ARVCF: variants seen among roughly 807,000 people sequenced by gnomAD.
The protein encoded by ARVCF is ARVCF delta catenin family member, also known as splicing regulator ARVCF.
A neutral mutation model predicts 90.9 loss-of-function variants in ARVCF; 66 were observed. That is an observed-to-expected ratio of 0.73 (90% CI 0.60 to 0.89). The LOEUF (loss-of-function observed/expected upper bound fraction) is 0.89, where lower values mean the gene tolerates loss of function less well. ARVCF is among the 40% of genes least tolerant of loss of function. The pLI is 0.00. For synonymous variants in ARVCF, 653 were observed against 603.4 expected (o/e 1.08, Z -1.21); for missense variants, 1,469 against 1,382.3 (o/e 1.06, Z -1.00).
intron 3 of ARVCF, among the ~76,000 whole-genome samples, chr22:19,982,999 A>C (rs181016276): frequency 9.2e-4 from 140 of 152,336 alleles, no homozygotes; most frequent in African/African-American, 3.1e-3. Context: ...CTCAAAGAGG[A>C]TAGGCTGGCC....
At position 19,977,247 on chromosome 22, in the gene ARVCF, G is replaced by A. The variant is rs150106922; in HGVS notation, c.1870+168C>T. Among the ~76,000 whole-genome samples, 1,240 of 152,308 alleles carry A rather than the reference G, an allele frequency of 8.1e-3. 10 individuals carry two copies. Among genetic ancestry groups the A allele is most frequent in the Non-Finnish European group, 0.013 (905 of 68,000 alleles). Reference sequence around the variant, plus strand: ...TGGACCTGGGTCCCATCAACCATGTGACCCAGGGCAGTCCAGCCTCCTTGA... The same window carrying A: ...TGGACCTGGGTCCCATCAACCATGTAACCCAGGGCAGTCCAGCCTCCTTGA... On this transcript the variant is annotated intron_variant, in intron 9 of 19. Transcript: ENST00000263207.
chr22:19,968,739 GC>G (rs397758621), downstream of ARVCF: 5 of 1,595,146 alleles, frequency 3.1e-6, no homozygotes, highest in South Asian at 3.3e-5. Flanking sequence ...GGCCCTGACT[GC>G]CCCCCCGGCC....
Position 19,990,807 on chromosome 22 carries a change from C to A in ARVCF, c.-13G>T. The A allele has an allele frequency of 6.5e-7, 1 of 1,547,660 alleles. No individual in the cohort carries two copies. Among genetic ancestry groups the A allele is most frequent in the East Asian group, 2.4e-5 (1 of 41,054 alleles). ...TGCAGTCCTCCATGACCAGAGCGCC[C>A]GCCAGCTGCAGGCAAAGCAGAGTAA... On this transcript the variant is annotated 5_prime_UTR_variant, in exon 3 of 20. Transcript: ENST00000263207.
Position 19,982,038 on chromosome 22 carries a change from A to G in ARVCF, c.264T>C (p.Asp88=). 2 of 1,612,888 alleles carry G rather than the reference A, an allele frequency of 1.2e-6. No individual in the cohort carries two copies. Among genetic ancestry groups the G allele is most frequent in the Non-Finnish European group, 1.7e-6 (2 of 1,179,960 alleles). The part of the protein sequence containing the change: ...ASLATMPEAP[D]VLEETVTVEE... ...CCACCGTCACGGTCTCCTCCAGCAC[A>G]TCAGGTGCCTCCGGCATCGTGGCCA... Residue 88 remains aspartate (D), a synonymous_variant, in exon 4 of 20, where the codon GAT becomes GAC. Coordinates refer to ENST00000263207, the MANE Select transcript of ARVCF (RefSeq NM_001670.3).
intron 1 of ARVCF, among the ~76,000 whole-genome samples, chr22:20,014,064 CAG>C (rs71788814): frequency 0.063 from 9,555 of 152,078 alleles, 968 homozygotes; most frequent in African/African-American, 0.22. Context: ...TTAGTAGAAA[CAG>C]GGTTTCACCA....
intron 2 of ARVCF, among the ~76,000 whole-genome samples, chr22:19,993,170 G>A (rs558491007): frequency 7.9e-5 from 12 of 152,094 alleles, no homozygotes; most frequent in African/African-American, 2.2e-4. Context: ...CCCTAGGCCC[G>A]CAGGTCATGG....
In ARVCF at chr22:19,978,197, T is replaced by C. The variant is rs528286226; in HGVS notation, c.1581-122A>G. The stretch of plus-strand genomic sequence containing the variant: ...CCTGCTGCTGCCCTCCTAGCACTAA[T>C]GGGAAAGGACCCCACAGTCTGGAGC... On this transcript the variant is annotated intron_variant, in intron 7 of 19. Coordinates refer to ENST00000263207, the MANE Select transcript of ARVCF (RefSeq NM_001670.3). 110 of 819,556 alleles carry C rather than the reference T, an allele frequency of 1.3e-4. 3 individuals are homozygous for C. In the South Asian group the frequency reaches 1.9e-3, roughly 14 times the overall value. The allele number at this position is 819,556 out of a possible 1,614,324, so 50.8% of individuals were successfully genotyped here.
At position 19,972,963 on chromosome 22, in the gene ARVCF, T is replaced by C. The variant is rs1334149729; in HGVS notation, c.2512A>G (p.Thr838Ala). The C allele has an allele frequency of 4.3e-6, 7 of 1,613,640 alleles. No homozygotes were observed. The highest frequency in any genetic ancestry group is 4.0e-5 in the African/African-American group (3 of 74,934). The change falls in exon 15 of 20, where the codon ACC (threonine) becomes GCC (alanine). Residue 838 changes from threonine (T) to alanine (A), a missense_variant. Physicochemically the swap from Thr to Ala is moderately conservative, Grantham distance 58. Transcript: ENST00000263207. ...TVWSYKELRG[T>A]LQKDGWTKAR... is the part of the protein sequence containing the mutation. ...TTGGTCCAACCATCTTTCTGCAAGG[T>C]ACCACGCAGCTCCTTGTAGCTCCAC... is the stretch of plus-strand genomic sequence containing the variant.
rs1186568411 is a variant in ARVCF at position 19,977,948 on chromosome 22, C to G, written c.1698+10G>C. ...GCCCTTGGTATGAGGCTGTGACCGT[C>G]CCTGCCCACCTTGTTGTCAGTGTCC... is the stretch of plus-strand genomic sequence containing the variant. On this transcript the variant is annotated intron_variant, in intron 8 of 19. Transcript: ENST00000263207. 2 of 1,598,342 alleles carry G rather than the reference C, an allele frequency of 1.3e-6. No homozygotes were observed. Among genetic ancestry groups the G allele is most frequent in the Non-Finnish European group, 1.7e-6 (2 of 1,171,944 alleles).
chr22:19,979,030 CAAT>C lies in ARVCF; in HGVS notation c.1444_1446del (p.Ile482del). Reference sequence around the variant, plus strand: ...TGGGTCAGCGTCTGCAGGCCATGGTCAATGATGACCATCTTCAGGGGCTCATAG... The same window carrying C: ...TGGGTCAGCGTCTGCAGGCCATGGTCGATGACCATCTTCAGGGGCTCATAG... On this transcript the variant is annotated inframe_deletion, in exon 7 of 20. Transcript: ENST00000263207. 1 of 1,613,314 alleles carries C rather than the reference CAAT, an allele frequency of 6.2e-7. No homozygotes were observed. The highest frequency in any genetic ancestry group is 1.3e-5 in the African/African-American group (1 of 75,032).
chr22:19,977,147 G>C (rs1943201535), intron 9 of ARVCF, among the ~76,000 whole-genome samples: 1 of 152,210 alleles, frequency 6.6e-6, no homozygotes, highest in Non-Finnish European at 1.5e-5. Context: ...CCCCGGAGTA[G>C]AAAGACTGGG....
Position 19,979,931 on chromosome 22 carries a change from G to A in ARVCF, c.1208C>T (p.Pro403Leu), listed in dbSNP as rs759098663. 1.1e-5 allele frequency: 18 copies of A among 1,595,276 alleles called. No individual in the cohort carries two copies. The highest frequency in any genetic ancestry group is 1.7e-4 in the Middle Eastern group (1 of 6,056). ...GTGGTCCAGCAGTGCCACAAGCAGC[G>A]GCAGCCCCCGCAACTGCCGTACACG... ...KRRVRQLRGLPLLVALLDHPR... is the reference protein window; with the variant it reads ...KRRVRQLRGLLLLVALLDHPR... Residue 403 changes from proline (P) to leucine (L), a missense_variant, in exon 6 of 20, where the codon CCG (proline) becomes CTG (leucine). Transcript: ENST00000263207.
At chr22:19,965,303 G>C (rs1244196683), downstream of ARVCF, 3 of 152,248 alleles carry the variant, frequency 2.0e-5, no homozygotes, top group African/African-American at 4.8e-5. Flanking sequence ...CTTGAGGCCA[G>C]GAGAGTTCGA....
chr22:19,965,711 T>G (rs562735138), downstream of ARVCF: 928 of 150,612 alleles, frequency 6.2e-3, 6 homozygotes, highest in Non-Finnish European at 0.011. Context: ...CCTTGTGGAG[T>G]GTGGAGAGGG....
intron 3 of ARVCF, among the ~76,000 whole-genome samples, chr22:19,982,686 G>A (rs560033023): frequency 4.6e-5 from 7 of 152,298 alleles, no homozygotes; most frequent in African/African-American, 9.6e-5. Flanking sequence ...ACAGAAATAC[G>A]CAGTTCCCAG....
At chr22:19,974,038 A>G (rs904146825) in intron 12 of ARVCF, 74 bp downstream of exon 12, 17 of 1,542,292 alleles carry the variant, frequency 1.1e-5, no homozygotes, top group African/African-American at 1.4e-5. Context: ...CAGCCGAGGC[A>G]GGAGCTGCAC....
chr22:19,978,196 A>G (rs2146287443), intron 7 of ARVCF, 121 bp from the exon 8 acceptor site: 1 of 816,092 alleles, frequency 1.2e-6, no homozygotes, highest in East Asian at 2.8e-5. Flanking sequence ...CCTAGCACTA[A>G]TGGGAAAGGA....
chr22:19,966,436 TAA>T (rs362115), downstream of ARVCF, among the ~76,000 whole-genome samples: 91,140 of 135,316 alleles, frequency 0.67, 31,270 homozygotes, highest in Non-Finnish European at 0.77. Flanking sequence ...AGTTCCCCCT[TAA>T]AAAAAAAAAA....
downstream of ARVCF, among the ~76,000 whole-genome samples, chr22:19,966,520 A>G (rs559691932): frequency 1.5e-4 from 23 of 151,020 alleles, no homozygotes; most frequent in South Asian, 4.6e-3. Context: ...AGCTCACTGT[A>G]GCCTCAAACT....
Sources: gnomAD v4.1 joint callset for allele counts (sites outside exome capture counted in the v4.1 genomes callset) on GRCh38, gnomAD v4.1.1 for gene constraint, MANE v1.5 for transcripts, NCBI Gene and HGNC (gene_info 2026-07-23, HGNC 2026-07-21) for gene names.